Variants in ADGRF5 observed in about 807,000 individuals in gnomAD.
ADGRF5 encodes adhesion G protein-coupled receptor F5.
ADGRF5 carries 75 observed loss-of-function variants against 132.3 expected under a neutral mutation model. That is an observed-to-expected ratio of 0.57 (90% CI 0.47 to 0.69). The LOEUF is 0.69. ADGRF5 is among the 30% of genes least tolerant of loss of function. The pLI, the probability that ADGRF5 is intolerant of heterozygous loss-of-function variation, is 0.00. For synonymous variants in ADGRF5, 629 were observed against 597.6 expected (o/e 1.05, Z -0.77); for missense variants, 1,516 against 1,630.6 (o/e 0.93, Z 1.21).
At chr6:46,891,631 A>T (rs1562200776) in intron 3 of ADGRF5, among the ~76,000 whole-genome samples, 1 of 152,186 alleles carries the variant, frequency 6.6e-6, no homozygotes, top group Non-Finnish European at 1.5e-5. Flanking sequence ...CAAAATATCA[A>T]TGCCTGCCTG....
chr6:46,861,644 A>G (rs1769758144), intron 15 of ADGRF5, among the ~76,000 whole-genome samples: 2 of 152,198 alleles, frequency 1.3e-5, no homozygotes, highest in Non-Finnish European at 1.5e-5. Context: ...CTCCTTAACA[A>G]CATGGACCAT....
rs1040383492 is a variant in ADGRF5, at chr6:46,853,153, C to T, written c.*839G>A. On this transcript the variant is annotated 3_prime_UTR_variant, in exon 21 of 21. Transcript: ENST00000283296. ...TTTAATCAGCACTTGGATCTAATGACATATCTTTGTAATACTTCCTCTGCA... is the reference window on the plus strand; with the variant it reads ...TTTAATCAGCACTTGGATCTAATGATATATCTTTGTAATACTTCCTCTGCA... The T allele has an allele frequency of 2.0e-5, 3 of 152,474 alleles. No individual in the cohort carries two copies. Among genetic ancestry groups the T allele is most frequent in the Admixed American group, 6.5e-5 (1 of 15,270 alleles). The allele number at this position is 152,474 out of a possible 1,614,324, so 9.4% of individuals were successfully genotyped here.
At chr6:46,861,045 C>T in intron 15 of ADGRF5, 151 bp from the exon 16 acceptor site, 1 of 605,848 alleles carries the variant, frequency 1.7e-6, no homozygotes. Flanking sequence ...ATGTGCTTAT[C>T]CCTTAAGCAC....
rs565148494 is a variant in ADGRF5 at position 46,939,024 on chromosome 6, C to T, written c.-25+15710G>A. Among the ~76,000 whole-genome samples the T allele has an allele frequency of 5.9e-5, 9 of 152,192 alleles. No homozygotes were observed. In the East Asian group the frequency reaches 1.7e-3, roughly 30 times the overall value. ...TAGCTGGGACTACAGGTGAGTGCCA[C>T]CACACTCAGCTAATTTTTGTATTTT... On this transcript the variant is annotated intron_variant, in intron 1 of 20. Coordinates refer to the ADGRF5 transcript ENST00000265417.
At chr6:46,866,789 G>T (rs1251195532) in intron 13 of ADGRF5, 136 bp downstream of exon 13, 6 of 597,790 alleles carry the variant, frequency 1.0e-5, no homozygotes, top group Non-Finnish European at 1.5e-5. Flanking sequence ...AGGTAACAAA[G>T]ATTCATGGGA....
chr6:46,896,714 CAT>C (rs147120878), intron 3 of ADGRF5, among the ~76,000 whole-genome samples: 1,966 of 149,500 alleles, frequency 0.013, 42 homozygotes, highest in African/African-American at 0.045. Context: ...ATATGTGATA[CAT>C]ATATATATAT....
chr6:46,861,037 G>T, intron 15 of ADGRF5, 143 bp from the exon 16 acceptor site: 1 of 627,682 alleles, frequency 1.6e-6, no homozygotes, highest in Non-Finnish European at 2.8e-6. Context: ...ATAAGATGAT[G>T]TGCTTATCCC....
intron 1 of ADGRF5, among the ~76,000 whole-genome samples, chr6:46,944,657 A>G (rs1292445606): frequency 6.6e-6 from 1 of 152,222 alleles, no homozygotes; most frequent in African/African-American, 2.4e-5. Context: ...TATGTCATAT[A>G]AAATATGTCA....
intron 13 of ADGRF5, among the ~76,000 whole-genome samples, chr6:46,866,530 A>G (rs761425130): frequency 1.3e-5 from 2 of 151,882 alleles, no homozygotes; most frequent in Non-Finnish European, 2.9e-5. Flanking sequence ...CTTTTTTGGC[A>G]CTTGGTTGTT....
At chr6:46,869,834 T>A (rs574489110) in intron 11 of ADGRF5, among the ~76,000 whole-genome samples, 1 of 152,334 alleles carries the variant, frequency 6.6e-6, no homozygotes, top group African/African-American at 2.4e-5. Flanking sequence ...TAATTATAAC[T>A]ATATAACTAC....
At chr6:46,915,527 T>A (rs2150915411) in intron 1 of ADGRF5, among the ~76,000 whole-genome samples, 1 of 152,028 alleles carries the variant, frequency 6.6e-6, no homozygotes, top group East Asian at 1.9e-4. Context: ...ATTCCAACAT[T>A]ACAGTAATTG....
chr6:46,918,944 T>C (rs1044723628), intron 1 of ADGRF5, among the ~76,000 whole-genome samples: 2 of 152,184 alleles, frequency 1.3e-5, no homozygotes, highest in Non-Finnish European at 2.9e-5. Flanking sequence ...ACTTTGGAGA[T>C]TAAAAACAAC....
At chr6:46,866,870 A>C (rs1770509455) in intron 13 of ADGRF5, 55 bp downstream of exon 13, 1 of 1,078,482 alleles carries the variant, frequency 9.3e-7, no homozygotes, top group East Asian at 2.4e-5. Context: ...CTAAATTTTT[A>C]GACTCCACAT....
At chr6:46,931,553 C>T (rs997743958) in intron 1 of ADGRF5, among the ~76,000 whole-genome samples, 1 of 152,158 alleles carries the variant, frequency 6.6e-6, no homozygotes, top group Non-Finnish European at 1.5e-5. Flanking sequence ...ATTCTTGTGT[C>T]TTCTATGACA....
At chr6:46,906,575 C>T in intron 2 of ADGRF5, 86 bp downstream of exon 2, 1 of 767,260 alleles carries the variant, frequency 1.3e-6, no homozygotes, top group East Asian at 2.5e-5. Flanking sequence ...GTTTTTTCTC[C>T]TTAAACTTTT....
At chr6:46,934,416 T>C (rs1333527883) in intron 1 of ADGRF5, among the ~76,000 whole-genome samples, 1 of 152,194 alleles carries the variant, frequency 6.6e-6, no homozygotes, top group Non-Finnish European at 1.5e-5. Context: ...TTAAAGCAAT[T>C]GACTGAAAAA....
intron 9 of ADGRF5, among the ~76,000 whole-genome samples, chr6:46,878,801 C>A (rs962598200): frequency 6.6e-6 from 1 of 152,116 alleles, no homozygotes; most frequent in Non-Finnish European, 1.5e-5. Flanking sequence ...TGTCTATAGC[C>A]CACCTCATCA....
chr6:46,903,052 C>T (rs964078858), intron 2 of ADGRF5, among the ~76,000 whole-genome samples: 1 of 152,164 alleles, frequency 6.6e-6, no homozygotes, highest in South Asian at 2.1e-4. Flanking sequence ...GTGCTCAGTG[C>T]AGTCTCTGGT....
chr6:46,937,971 G>A lies in ADGRF5; in HGVS notation c.-25+16763C>T, dbSNP rs548031312. Among the ~76,000 whole-genome samples, 5 of 151,894 alleles carry A rather than the reference G, an allele frequency of 3.3e-5. No individual in the cohort carries two copies. The East Asian group carries it at 5.8e-4, about 18-fold the overall frequency. ...TGGAATTTTCCATTTAATATTTATC[G>A]ACCCCACTTGACCATGAGTGGCTGA... On this transcript the variant is annotated intron_variant, in intron 1 of 20. Transcript: ENST00000265417.
Sources: gnomAD v4.1 joint callset for allele counts (sites outside exome capture counted in the v4.1 genomes callset) on GRCh38, gnomAD v4.1.1 for gene constraint, MANE v1.5 for transcripts, NCBI Gene and HGNC (gene_info 2026-07-23, HGNC 2026-07-21) for gene names.